PCDHGA3: variants seen among roughly 807,000 people sequenced by gnomAD.
PCDHGA3 encodes the protein protocadherin gamma subfamily A, 3, also known as protocadherin gamma-A3.
A neutral mutation model predicts 58.5 loss-of-function variants in PCDHGA3; 40 were observed. The observed-to-expected ratio is 0.68, with a 90% CI of 0.53 to 0.89. The LOEUF is 0.89. Ranked by LOEUF, PCDHGA3 falls within the 40% of genes least tolerant of loss-of-function variation. PCDHGA3 has a pLI of 0.00. For synonymous variants in PCDHGA3, 530 were observed against 525.7 expected (o/e 1.01, Z -0.11); for missense variants, 1,223 against 1,195.9 (o/e 1.02, Z -0.33).
chr5:141,413,442 C>T, intron 1 of PCDHGA3: 5 of 1,614,090 alleles, frequency 3.1e-6, no homozygotes, highest in Non-Finnish European at 8.5e-7. Flanking sequence ...GCAGCTTGAT[C>T]ACCGCGGGCA....
intron 1 of PCDHGA3, chr5:141,385,668 C>G (rs2090319612): frequency 2.3e-6 from 1 of 428,688 alleles, no homozygotes; most frequent in African/African-American, 2.1e-5. Flanking sequence ...AGGAATAAAA[C>G]ACACCTCAGC....
At chr5:141,484,102 A>T (rs1404220648) in intron 1 of PCDHGA3, among the ~76,000 whole-genome samples, 1 of 152,206 alleles carries the variant, frequency 6.6e-6, no homozygotes, top group African/African-American at 2.4e-5. Flanking sequence ...GTTGGTAATT[A>T]ACAAAAGATC....
At chr5:141,404,080 C>T (rs369802030) in intron 1 of PCDHGA3, 6 of 1,613,516 alleles carry the variant, frequency 3.7e-6, no homozygotes, top group Non-Finnish European at 4.2e-6. Context: ...ACCGAGACTC[C>T]GGGAAGAATG....
At chr5:141,370,350 A>C in intron 1 of PCDHGA3, 1 of 1,496,328 alleles carries the variant, frequency 6.7e-7, no homozygotes, top group Non-Finnish European at 9.0e-7. Context: ...TTATTTAAAG[A>C]TCTCCTCTCC....
chr5:141,367,034 G>A, intron 1 of PCDHGA3: 2 of 369,536 alleles, frequency 5.4e-6, no homozygotes, highest in South Asian at 8.1e-5. Flanking sequence ...TGGAACTGCA[G>A]TTCTATTAAT....
intron 1 of PCDHGA3, among the ~76,000 whole-genome samples, chr5:141,368,592 A>G (rs1277512291): frequency 6.6e-6 from 1 of 152,198 alleles, no homozygotes; most frequent in Non-Finnish European, 1.5e-5. Context: ...TGTTTGGGAA[A>G]AAAGTAAAGG....
Position 141,360,032 on chromosome 5 carries a change from T to A in PCDHGA3, c.2424+13575T>A, listed in dbSNP as rs112657435. 771 of 1,390,572 alleles carry A rather than the reference T, an allele frequency of 5.5e-4. 6 individuals are homozygous for A. In the East Asian group the frequency reaches 0.015, roughly 27 times the overall value. The allele number at this position is 1,390,572 out of a possible 1,614,324, so 86.1% of individuals were successfully genotyped here. A position where few individuals can be genotyped will look rare whatever the true frequency, so the allele number is the denominator to read the frequency against. The stretch of plus-strand genomic sequence containing the variant: ...CCACACAGAGAAGGCCAGTATAGAT[T>A]CGGAAACAGAAAACAAAAGCAGGAA... On this transcript the variant is annotated intron_variant, in intron 1 of 3. Transcript: ENST00000253812.
At position 141,345,225 on chromosome 5, in the gene PCDHGA3, A is replaced by T; in HGVS notation, c.1192A>T (p.Ile398Leu). 6.2e-7 allele frequency: 1 copy of T among 1,613,856 alleles called. No individual in the cohort carries two copies. Among genetic ancestry groups the T allele is most frequent in the East Asian group, 2.2e-5 (1 of 44,900 alleles). ...TCTGCCATTTAAGTTAGAAAAATCAATAGATCAATATTACCGCTTAGTGAC... is the reference window on the plus strand; with the variant it reads ...TCTGCCATTTAAGTTAGAAAAATCATTAGATCAATATTACCGCTTAGTGAC... ...GNLPFKLEKS[I>L]DQYYRLVTAT... Residue 398 changes from isoleucine (I) to leucine (L), a missense_variant, in exon 1 of 4, where the codon ATA (isoleucine) becomes TTA (leucine). Transcript: ENST00000253812.
chr5:141,472,045 TA>T (rs1227282207), intron 1 of PCDHGA3, among the ~76,000 whole-genome samples: 3 of 152,170 alleles, frequency 2.0e-5, no homozygotes, highest in Non-Finnish European at 4.4e-5. Flanking sequence ...GAAAAGATTT[TA>T]AAAATGATTG....
chr5:141,413,418 G>C (rs748857146), intron 1 of PCDHGA3: 1 of 1,614,084 alleles, frequency 6.2e-7, no homozygotes, highest in Admixed American at 1.7e-5. Context: ...TTTTCTCTCT[G>C]AACCCGCGCA....
intron 1 of PCDHGA3, among the ~76,000 whole-genome samples, chr5:141,471,998 A>T (rs938492822): frequency 5.3e-5 from 8 of 152,276 alleles, no homozygotes; most frequent in South Asian, 2.1e-4. Context: ...AAATCCCTGC[A>T]TCGTATAGGG....
chr5:141,393,659 G>GA (rs1276688380), intron 1 of PCDHGA3: 7 of 1,613,880 alleles, frequency 4.3e-6, no homozygotes, highest in Middle Eastern at 1.6e-4. Context: ...ACAAATTCCG[G>GA]AAAATTAATG....
At chr5:141,356,976 G>C in intron 1 of PCDHGA3, 3 of 1,614,248 alleles carry the variant, frequency 1.9e-6, no homozygotes, top group Non-Finnish European at 2.5e-6. Context: ...CCAAAGTGGT[G>C]GCAGTGGACA....
In PCDHGA3 at chr5:141,419,577, C is replaced by A. The variant is rs1182305164; in HGVS notation, c.2424+73120C>A. ...CCTGCGCTGGGTCCCGACGGCTCCG[C>A]GCTCTTCGACACAGTGCCGCGGGCC... On this transcript the variant is annotated intron_variant, in intron 1 of 3. Coordinates refer to ENST00000253812, the MANE Select transcript of PCDHGA3 (RefSeq NM_018916.4). 3.1e-6 allele frequency: 5 copies of A among 1,611,732 alleles called. No individual in the cohort carries two copies. The South Asian group carries it at 5.5e-5, about 18-fold the overall frequency.
chr5:141,385,573 C>T lies in PCDHGA3; in HGVS notation c.2424+39116C>T, dbSNP rs576834153. 10 of 1,295,026 alleles carry T rather than the reference C, an allele frequency of 7.7e-6. No individual in the cohort carries two copies. In the East Asian group the frequency reaches 2.7e-4, roughly 35 times the overall value. The allele number at this position is 1,295,026 out of a possible 1,614,324, so 80.2% of individuals were successfully genotyped here. On this transcript the variant is annotated intron_variant, in intron 1 of 3. Coordinates refer to ENST00000253812, the MANE Select transcript of PCDHGA3 (RefSeq NM_018916.4). Reference sequence around the variant, plus strand: ...ACATTTTATAATTTCCACCTACTTTCCAATCTATGTTCCAACCTACTTTCT... The same window carrying T: ...ACATTTTATAATTTCCACCTACTTTTCAATCTATGTTCCAACCTACTTTCT...
chr5:141,430,957 C>T (rs771551541), intron 1 of PCDHGA3: 42 of 1,611,532 alleles, frequency 2.6e-5, no homozygotes, highest in Middle Eastern at 3.3e-4. Context: ...GAGTCCGCAT[C>T]ATCCCCAGAG....
At chr5:141,361,974 G>T (rs775025074) in intron 1 of PCDHGA3, 1 of 1,601,816 alleles carries the variant, frequency 6.2e-7, no homozygotes, top group Non-Finnish European at 8.5e-7. Flanking sequence ...AGGCCAGCGA[G>T]CCCGGGCTCT....
Position 141,371,988 on chromosome 5 carries a change from C to T in PCDHGA3, c.2424+25531C>T, listed in dbSNP as rs1283820650. 4 of 1,613,144 alleles carry T rather than the reference C, an allele frequency of 2.5e-6. No homozygotes were observed. The African/African-American group carries it at 5.3e-5, about 22-fold the overall frequency. The stretch of plus-strand genomic sequence containing the variant: ...GCAGCTGCGTGCCTTCGAGCTCACT[C>T]TGCAGGCCCGCGACCAGGGCTCGCC... On this transcript the variant is annotated intron_variant, in intron 1 of 3. Coordinates refer to ENST00000253812, the MANE Select transcript of PCDHGA3 (RefSeq NM_018916.4).
intron 1 of PCDHGA3, among the ~76,000 whole-genome samples, chr5:141,455,177 T>C (rs2098816411): frequency 6.6e-6 from 1 of 152,040 alleles, no homozygotes; most frequent in Non-Finnish European, 1.5e-5. Context: ...TTTTAGTTTT[T>C]TTATTTCTCT....
Sources: gnomAD v4.1 joint callset for allele counts (sites outside exome capture counted in the v4.1 genomes callset) on GRCh38, gnomAD v4.1.1 for gene constraint, MANE v1.5 for transcripts, NCBI Gene and HGNC (gene_info 2026-07-23, HGNC 2026-07-21) for gene names.